GNG7: variants seen among roughly 807,000 people sequenced by gnomAD.
GNG7 encodes the protein guanine nucleotide-binding protein G(I)/G(S)/G(O) subunit gamma-7.
In GNG7, 1 loss-of-function variant was observed where a neutral mutation model predicts 4.0. The ratio of observed to expected loss-of-function variants is 0.25; its 90% CI spans 0.09 to 1.18. The LOEUF (loss-of-function observed/expected upper bound fraction) is 1.18. Among genes scored for constraint, GNG7 ranks in the 50% most tolerant of loss-of-function variants. The pLI is 0.50. For synonymous variants in GNG7, 34 were observed against 36.9 expected (o/e 0.92, Z 0.29); for missense variants, 86 against 91.9 (o/e 0.94, Z 0.26).
In GNG7 at chr19:2,663,931, C is replaced by T. The variant is rs144352177; in HGVS notation, c.-134-17651G>A. 2.8e-3 allele frequency among the ~76,000 whole-genome samples: 429 copies of T among 152,302 alleles called. 7 individuals carry two copies. The highest frequency in any genetic ancestry group is 2.5e-3 in the Non-Finnish European group (168 of 68,026). ...GTAGCATCCCTGGTCTCCACCTACT[C>T]CAGGCCAGGAGCACCCCCAAGTCAC... On this transcript the variant is annotated intron_variant, in intron 1 of 4. Transcript: ENST00000382159.
At chr19:2,599,918 C>T (rs1981148517) in intron 2 of GNG7, among the ~76,000 whole-genome samples, 1 of 146,742 alleles carries the variant, frequency 6.8e-6, no homozygotes, top group South Asian at 2.1e-4. Context: ...GCCTGGGCAA[C>T]AGAGCAAGAC....
intron 2 of GNG7, among the ~76,000 whole-genome samples, chr19:2,565,511 C>CAA (rs147226705): frequency 0.048 from 5,576 of 116,490 alleles, 355 homozygotes; most frequent in African/African-American, 0.14. Flanking sequence ...GACTCTGTCT[C>CAA]AAAAAAAAAA....
chr19:2,548,890 C>T (rs1307289381), intron 3 of GNG7, among the ~76,000 whole-genome samples: 2 of 152,164 alleles, frequency 1.3e-5, no homozygotes, highest in African/African-American at 2.4e-5. Context: ...AGACCCTGGT[C>T]GAAGGGATGT....
At chr19:2,572,624 C>T (rs551720782) in intron 2 of GNG7, among the ~76,000 whole-genome samples, 57 of 141,414 alleles carry the variant, frequency 4.0e-4, no homozygotes, top group East Asian at 2.2e-4. Flanking sequence ...TAAGAGTTAA[C>T]GATCTGTTGC....
chr19:2,568,275 A>C (rs1326799618), intron 2 of GNG7, among the ~76,000 whole-genome samples: 1 of 145,952 alleles, frequency 6.9e-6, no homozygotes, highest in Admixed American at 7.1e-5. Context: ...AGAGACACAT[A>C]TAGACTTACA....
chr19:2,646,104 G>T (rs892738883), intron 2 of GNG7, 120 bp downstream of exon 2: 1 of 152,150 alleles, frequency 6.6e-6, no homozygotes. Flanking sequence ...ACAAACAGCC[G>T]ACAGACCCAG....
At position 2,512,488 on chromosome 19, in the gene GNG7, G is replaced by C; in HGVS notation, c.*2534C>G. 2.2e-6 allele frequency: 1 copy of C among 457,784 alleles called. No individual in the cohort carries two copies. The allele number at this position is 457,784 out of a possible 1,614,324, so 28.4% of individuals were successfully genotyped here. ...AGCTCAGGGAACCCAAGGCCCTGTG[G>C]ACAGTGAAGGAGAGGCCAGCCTGTC... On this transcript the variant is annotated 3_prime_UTR_variant, in exon 5 of 5. Transcript: ENST00000382159. This position sits in a 1 kb window ranked among gnomAD's most constrained non-coding sequence, Gnocchi z 4.7.
At chr19:2,667,118 G>A (rs539006033) in intron 1 of GNG7, among the ~76,000 whole-genome samples, 4 of 151,408 alleles carry the variant, frequency 2.6e-5, no homozygotes, top group South Asian at 4.2e-4. Context: ...TCAGGAGTTC[G>A]AGACCAGCCT....
Position 2,635,301 on chromosome 19 carries a change from T to G in GNG7, c.-78+10923A>C, listed in dbSNP as rs565311164. Reference sequence around the variant, plus strand: ...TCTCCAACCCCACCCCCAGCCCCAGTGTCTCCTAAGGGGTAGAAAGTCTTC... The same window carrying G: ...TCTCCAACCCCACCCCCAGCCCCAGGGTCTCCTAAGGGGTAGAAAGTCTTC... On this transcript the variant is annotated intron_variant, in intron 2 of 4. Transcript: ENST00000382159. 1.2e-4 allele frequency among the ~76,000 whole-genome samples: 19 copies of G among 152,244 alleles called. 1 individual carries two copies. The South Asian group carries it at 3.9e-3, about 32-fold the overall frequency.
chr19:2,681,426 G>A (rs578207631), intron 1 of GNG7, among the ~76,000 whole-genome samples: 4 of 152,022 alleles, frequency 2.6e-5, no homozygotes, highest in Admixed American at 6.6e-5. Context: ...CTCATGATCC[G>A]CCCGCCTCGG....
intron 2 of GNG7, among the ~76,000 whole-genome samples, chr19:2,624,137 T>C (rs1467710465): frequency 6.6e-6 from 1 of 152,018 alleles, no homozygotes; most frequent in Non-Finnish European, 1.5e-5. Flanking sequence ...TGGTGATGGG[T>C]GCAGCACCAT....
chr19:2,680,833 C>T (rs1046514061), intron 1 of GNG7, among the ~76,000 whole-genome samples: 2 of 152,050 alleles, frequency 1.3e-5, no homozygotes, highest in African/African-American at 4.8e-5. Flanking sequence ...GAGACAGGGT[C>T]TTGCTCTGTT....
At chr19:2,565,886 G>A (rs960835679) in intron 2 of GNG7, among the ~76,000 whole-genome samples, 4 of 152,152 alleles carry the variant, frequency 2.6e-5, no homozygotes, top group African/African-American at 9.7e-5. Flanking sequence ...GGCCGGGCAC[G>A]GTGGCTCACG....
rs974515624 is a variant in GNG7 at position 2,511,411 on chromosome 19, G to C, written c.*3611C>G. The C allele has an allele frequency of 1.3e-5, 2 of 152,348 alleles. No homozygotes were observed. The highest frequency in any genetic ancestry group is 4.8e-5 in the African/African-American group (2 of 41,470). The allele number at this position is 152,348 out of a possible 1,614,324, so 9.4% of individuals were successfully genotyped here. A position where few individuals can be genotyped will look rare whatever the true frequency, so the allele number is the denominator to read the frequency against. On this transcript the variant is annotated 3_prime_UTR_variant, in exon 5 of 5. Transcript: ENST00000382159. The surrounding 1 kb of genome is among the most constrained non-coding windows in gnomAD (Gnocchi z 6.3). ...AACCACAGGCGGCGGCTGGAAACAG[G>C]AGACAGGTCTTTACGAAGGTTAGAT... is the stretch of plus-strand genomic sequence containing the variant.
intron 2 of GNG7, among the ~76,000 whole-genome samples, chr19:2,645,158 G>A (rs185233226): frequency 2.1e-4 from 32 of 152,178 alleles, no homozygotes; most frequent in African/African-American, 7.2e-4. Flanking sequence ...CTTGAGCCAC[G>A]GAGTTCAAGA....
chr19:2,700,167 A>G (rs891325800), intron 1 of GNG7, among the ~76,000 whole-genome samples: 19 of 147,468 alleles, frequency 1.3e-4, no homozygotes, highest in African/African-American at 4.8e-4. Flanking sequence ...TTTGAGGCAG[A>G]GTCTCTCTCT....
chr19:2,518,760 G>C (rs1210247064), intron 4 of GNG7, among the ~76,000 whole-genome samples: 1 of 152,128 alleles, frequency 6.6e-6, no homozygotes, highest in Non-Finnish European at 1.5e-5. Context: ...ACTAGGGCGG[G>C]CCATGGTGCC....
intron 2 of GNG7, among the ~76,000 whole-genome samples, chr19:2,589,831 C>T (rs1161211039): frequency 6.6e-6 from 1 of 152,004 alleles, no homozygotes; most frequent in African/African-American, 2.4e-5. Flanking sequence ...ATGTTCAGAA[C>T]AGGCCAGTCT....
intron 2 of GNG7, among the ~76,000 whole-genome samples, chr19:2,556,856 A>C (rs1979560394): frequency 6.6e-6 from 1 of 152,028 alleles, no homozygotes. Flanking sequence ...CCTGGCATCC[A>C]CCTGCTCCGT....
Sources: allele counts gnomAD v4.1 joint callset (sites outside exome capture counted in the v4.1 genomes callset), GRCh38; gene constraint gnomAD v4.1.1; non-coding constraint Gnocchi (gnomAD v3.1); transcripts MANE v1.5; gene names NCBI Gene and HGNC (gene_info 2026-07-23, HGNC 2026-07-21).